POMT1: variants seen among roughly 807,000 people sequenced by gnomAD.
POMT1 encodes the protein protein O-mannosyl-transferase 1.
Under a neutral mutation model 101.6 loss-of-function variants are expected in POMT1, and 85 were observed. The ratio of observed to expected loss-of-function variants is 0.84; its 90% CI spans 0.70 to 1.00. The LOEUF (loss-of-function observed/expected upper bound fraction) is 1.00. POMT1 is among the 50% of genes least tolerant of loss of function. The pLI is 0.00. For missense variants in POMT1, 857 were observed against 930.4 expected (o/e 0.92, Z 1.03); for synonymous variants, 371 against 383.0 (o/e 0.97, Z 0.37).
At chr9:131,509,071 G>T in intron 6 of POMT1, 49 bp downstream of exon 6, 2 of 1,387,040 alleles carry the variant, frequency 1.4e-6, no homozygotes, top group Non-Finnish European at 1.0e-6. Context: ...GAGATTCTGG[G>T]TGGTTTGTTG....
chr9:131,519,520 G>T lies in POMT1; in HGVS notation c.1584+34G>T, dbSNP rs187256896. 7 of 1,542,008 alleles carry T rather than the reference G, an allele frequency of 4.5e-6. No homozygotes were observed. In the East Asian group the frequency reaches 1.5e-4, roughly 32 times the overall value. On this transcript the variant is annotated intron_variant, in intron 16 of 19. Transcript: ENST00000402686. The surrounding 1 kb of genome is among the most constrained non-coding windows in gnomAD (Gnocchi z 4.3). ...CGGCCAGGGGAAGCTGGCCTAGCTCGCTGAGCATTGACTCCTCAGCAGGGA... is the reference window on the plus strand; with the variant it reads ...CGGCCAGGGGAAGCTGGCCTAGCTCTCTGAGCATTGACTCCTCAGCAGGGA...
At chr9:131,517,621 C>T (rs1465192879) in intron 13 of POMT1, among the ~76,000 whole-genome samples, 3 of 152,148 alleles carry the variant, frequency 2.0e-5, no homozygotes, top group African/African-American at 4.8e-5. Flanking sequence ...CTGCCCCACT[C>T]GCCGTCTCTG....
At chr9:131,516,415 G>A (rs1948692448) in intron 13 of POMT1, 1 of 162,354 alleles carries the variant, frequency 6.2e-6, no homozygotes, top group South Asian at 1.2e-4. Flanking sequence ...CTCACAGGGA[G>A]CACTCCATCA....
At chr9:131,510,748 C>T (rs778427002) in intron 9 of POMT1, 8 of 374,928 alleles carry the variant, frequency 2.1e-5, no homozygotes, top group South Asian at 6.6e-5. Context: ...TCAAGTGATC[C>T]GCCTGCCTCG....
At chr9:131,513,069 A>G (rs1306967607) in intron 11 of POMT1, among the ~76,000 whole-genome samples, 170 bp from the exon 12 acceptor site, 1 of 152,248 alleles carries the variant, frequency 6.6e-6, no homozygotes, top group Non-Finnish European at 1.5e-5. Context: ...GTTTCAGAAA[A>G]GAGCCCAATT....
intron 11 of POMT1, 140 bp from the exon 12 acceptor site, chr9:131,513,099 C>G: frequency 1.4e-6 from 1 of 718,614 alleles, no homozygotes; most frequent in South Asian, 1.5e-5. Flanking sequence ...GCTTTGGTTT[C>G]CTGTGTTCAC....
rs989891507 is a variant in POMT1 at position 131,522,840 on chromosome 9, G to A, written c.2004-92G>A. ...AAGGCAGAACCCCAGGCCTCGGGGG[G>A]TGACCGTGTGGACAGCAGATGCCAA... On this transcript the variant is annotated intron_variant, in intron 19 of 19. Coordinates refer to ENST00000402686, the MANE Select transcript of POMT1 (RefSeq NM_001077365.2). This position sits in a 1 kb window ranked among gnomAD's most constrained non-coding sequence, Gnocchi z 5.5. 3 of 1,338,370 alleles carry A rather than the reference G, an allele frequency of 2.2e-6. No individual in the cohort carries two copies. The highest frequency in any genetic ancestry group is 3.1e-6 in the Non-Finnish European group (3 of 968,900). The allele number at this position is 1,338,370 out of a possible 1,614,324, so 82.9% of individuals were successfully genotyped here.
intron 13 of POMT1, among the ~76,000 whole-genome samples, chr9:131,517,122 C>T (rs1948853537): frequency 2.0e-5 from 3 of 152,254 alleles, no homozygotes; most frequent in Admixed American, 1.3e-4. Flanking sequence ...TCTAGCTTCC[C>T]ACTGGCTTCA....
At position 131,506,305 on chromosome 9, in the gene POMT1, A is replaced by C. The variant is rs1564332599; in HGVS notation, c.229+85A>C. 3.2e-6 allele frequency: 5 copies of C among 1,566,094 alleles called. No individual in the cohort carries two copies. In the African/African-American group the frequency reaches 4.1e-5, roughly 13 times the overall value. On this transcript the variant is annotated intron_variant, in intron 3 of 19. Coordinates refer to ENST00000402686, the MANE Select transcript of POMT1 (RefSeq NM_001077365.2). ...ATCAGTGCATTTCTTACAGGCAGAA[A>C]CCAGGTCTTATTATTGATGCATCTT...
intron 11 of POMT1, among the ~76,000 whole-genome samples, chr9:131,512,534 A>G (rs979091599): frequency 2.0e-5 from 3 of 152,072 alleles, no homozygotes; most frequent in African/African-American, 7.2e-5. Context: ...TGTCCCGGTC[A>G]CTGTCTCCTG....
rs1222000287 is a variant in POMT1 at position 131,514,326 on chromosome 9, C to A, written c.1175+995C>A. Among the ~76,000 whole-genome samples, 5 of 152,278 alleles carry A rather than the reference C, an allele frequency of 3.3e-5. No homozygotes were observed. The East Asian group carries it at 7.7e-4, about 24-fold the overall frequency. The stretch of plus-strand genomic sequence containing the variant: ...ACACTTCACCCCCGCCACCCTGGCT[C>A]CCCCCAGCCCTGAAACAACCACCTG... On this transcript the variant is annotated intron_variant, in intron 12 of 19. Coordinates refer to ENST00000402686, the MANE Select transcript of POMT1 (RefSeq NM_001077365.2).
In POMT1 at chr9:131,509,007, A is replaced by G; in HGVS notation, c.524A>G (p.Asn175Ser). 1 of 1,609,980 alleles carries G rather than the reference A, an allele frequency of 6.2e-7. No homozygotes were observed. The change falls in exon 6 of 20, where the codon AAC (asparagine) becomes AGC (serine). Residue 175 changes from asparagine to serine, a missense_variant. Physicochemically the swap from Asn to Ser is conservative, Grantham distance 46 (BLOSUM62 1). Coordinates refer to ENST00000402686, the MANE Select transcript of POMT1 (RefSeq NM_001077365.2). ...LAVLSYLKFF[N>S]CQKHSPFSLS... ...GTGTTGTCCTACCTGAAGTTCTTCAACTGCCAAAAGCACAGGTATGGAAAA... is the reference window on the plus strand; with the variant it reads ...GTGTTGTCCTACCTGAAGTTCTTCAGCTGCCAAAAGCACAGGTATGGAAAA...
rs1946838568 is a variant in POMT1, at chr9:131,510,319, C to T, written c.759C>T (p.Val253=). The stretch of plus-strand genomic sequence containing the variant: ...TGGCTTTGCTGGTCATCCCGGTCGT[C>T]CTGTACTTACTGTTCTTCTACGTCC... ...RAVALLVIPV[V]LYLLFFYVHL... Residue 253 remains valine (V), a synonymous_variant, in exon 9 of 20, where the codon GTC becomes GTT. Coordinates refer to ENST00000402686, the MANE Select transcript of POMT1 (RefSeq NM_001077365.2). 1.9e-6 allele frequency: 3 copies of T among 1,614,216 alleles called. No homozygotes were observed. Among genetic ancestry groups the T allele is most frequent in the African/African-American group, 1.3e-5 (1 of 75,064 alleles).
Position 131,523,359 on chromosome 9 carries a change from T to C in POMT1, c.*253T>C. The C allele has an allele frequency of 1.9e-6, 1 of 521,548 alleles. No homozygotes were observed. Among genetic ancestry groups the C allele is most frequent in the Non-Finnish European group, 3.5e-6 (1 of 287,948 alleles). The allele number at this position is 521,548 out of a possible 1,614,324, so 32.3% of individuals were successfully genotyped here. On this transcript the variant is annotated 3_prime_UTR_variant, in exon 20 of 20. Coordinates refer to ENST00000402686, the MANE Select transcript of POMT1 (RefSeq NM_001077365.2). ...CCCCTGAACTAAGACACAGGGAGTA[T>C]TTCAGAGGCCAGCGTAGGAGTCATT...
chr9:131,515,623 T>C, intron 13 of POMT1, 101 bp downstream of exon 13: 1 of 1,074,310 alleles, frequency 9.3e-7, no homozygotes, highest in Non-Finnish European at 1.4e-6. Flanking sequence ...ACAGAGCACT[T>C]CCTAACAGAA....
At position 131,520,211 on chromosome 9, in the gene POMT1, A is replaced by G. The variant is rs751135814; in HGVS notation, c.1698+18A>G. 3 of 1,573,590 alleles carry G rather than the reference A, an allele frequency of 1.9e-6. No homozygotes were observed. In the South Asian group the frequency reaches 3.3e-5, roughly 17 times the overall value. ...GGACCAGCGTAAGCGAGCGATGCTG[A>G]CAGCTGACAGTCATAGATTCATCCT... On this transcript the variant is annotated intron_variant, in intron 17 of 19. Coordinates refer to ENST00000402686, the MANE Select transcript of POMT1 (RefSeq NM_001077365.2).
rs1949475355 is a variant in POMT1, at chr9:131,519,478, G to A, written c.1576G>A (p.Glu526Lys). ...CCTCAGCTTCATGGCGAGATTCTCG[G>A]AGCTGCAGGTGAGGAGCGGCCAGGG... ...RNLSFMARFS[E>K]LQWRMLALRS... Residue 526 changes from glutamate (E) to lysine (K), a missense_variant, in exon 16 of 20, where the codon GAG becomes AAG. Glu to Lys is a moderately conservative substitution (Grantham distance 56). Coordinates refer to ENST00000402686, the MANE Select transcript of POMT1 (RefSeq NM_001077365.2). This position sits in a 1 kb window ranked among gnomAD's most constrained non-coding sequence, Gnocchi z 4.3. The A allele has an allele frequency of 6.5e-7, 1 of 1,550,338 alleles. No individual in the cohort carries two copies. Among genetic ancestry groups the A allele is most frequent in the Non-Finnish European group, 8.7e-7 (1 of 1,146,994 alleles).
rs775878866 is a variant in POMT1, at chr9:131,515,536, C to T, written c.1272+14C>T. On this transcript the variant is annotated intron_variant, in intron 13 of 19. Coordinates refer to ENST00000402686, the MANE Select transcript of POMT1 (RefSeq NM_001077365.2). The stretch of plus-strand genomic sequence containing the variant: ...CTCTGGAGACTGGTGAGTAAGGCTG[C>T]GGCTATAGCAGCCACAACCGTCAGT... The T allele has an allele frequency of 3.4e-5, 55 of 1,609,936 alleles. No individual in the cohort carries two copies. Among genetic ancestry groups the T allele is most frequent in the African/African-American group, 1.3e-4 (10 of 74,852 alleles).
rs748074232 is a variant in POMT1 at position 131,509,940 on chromosome 9, C to G, written c.643C>G (p.Leu215Val). The G allele has an allele frequency of 2.5e-6, 4 of 1,614,086 alleles. No individual in the cohort carries two copies. The South Asian group carries it at 4.4e-5, about 18-fold the overall frequency. The change falls in exon 8 of 20, where the codon CTG becomes GTG. Residue 215 changes from leucine to valine, a missense_variant. Leu to Val is a conservative substitution (Grantham distance 32). Transcript: ENST00000402686. The stretch of plus-strand genomic sequence containing the variant: ...GGGTGTGTTCACGTACGTGCTCGTG[C>G]TGGGTGTTGCAGCTGTCCATGCCTG... Reference protein sequence around the residue: ...YMGVFTYVLVLGVAAVHAWHL... With the variant: ...YMGVFTYVLVVGVAAVHAWHL...
Sources: gnomAD v4.1 joint callset for allele counts (sites outside exome capture counted in the v4.1 genomes callset) on GRCh38, gnomAD v4.1.1 for gene constraint, Gnocchi (gnomAD v3.1) non-coding constraint, MANE v1.5 for transcripts, NCBI Gene and HGNC (gene_info 2026-07-23, HGNC 2026-07-21) for gene names.